The following ZCWPW2 variants were observed in gnomAD, a reference collection of about 807,000 sequenced individuals.
The protein encoded by ZCWPW2 is zinc finger CW-type PWWP domain protein 2.
In ZCWPW2, 45 loss-of-function variants were observed where a neutral mutation model predicts 46.6. The observed-to-expected ratio is 0.96, with a 90% CI of 0.76 to 1.24. The LOEUF is 1.24. ZCWPW2 is among the 50% of genes most tolerant of loss of function. The probability of loss-of-function intolerance (pLI) is 0.00; values close to 1 mark genes in which losing one functional copy is unlikely to be tolerated. For missense variants in ZCWPW2, 429 were observed against 403.9 expected, an observed-to-expected ratio of 1.06 and a Z score of -0.53; for synonymous variants, 152 against 137.1, an observed-to-expected ratio of 1.11 and a Z score of -0.76.
intron 4 of ZCWPW2, among the ~76,000 whole-genome samples, chr3:28,477,000 T>G (rs1442487637): frequency 2.0e-5 from 3 of 152,144 alleles, no homozygotes; most frequent in Non-Finnish European, 1.5e-5. Context: ...TAACCGGTCA[T>G]GGACTAGTAC....
chr3:28,492,546 A>C (rs1699845898), intron 6 of ZCWPW2, among the ~76,000 whole-genome samples: 1 of 152,154 alleles, frequency 6.6e-6, no homozygotes, highest in African/African-American at 2.4e-5. Flanking sequence ...ACAGCTCAAC[A>C]TGGTGTCTAC....
chr3:28,496,812 A>T (rs1423880615), intron 6 of ZCWPW2, among the ~76,000 whole-genome samples: 1 of 151,704 alleles, frequency 6.6e-6, no homozygotes, highest in African/African-American at 2.4e-5. Flanking sequence ...TATGGGGCAT[A>T]TTCAATACGA....
intron 3 of ZCWPW2, 41 bp downstream of exon 3, chr3:28,413,441 T>C: frequency 6.7e-7 from 1 of 1,499,152 alleles, no homozygotes; most frequent in Non-Finnish European, 9.0e-7. Flanking sequence ...AATGTAGTCT[T>C]GCTAGGTTTA....
chr3:28,452,248 A>G (rs1698253565), intron 4 of ZCWPW2, among the ~76,000 whole-genome samples: 1 of 152,136 alleles, frequency 6.6e-6, no homozygotes, highest in Admixed American at 6.5e-5. Context: ...AAGTCACTTA[A>G]CTTTTCAAAT....
At chr3:28,488,163 T>C (rs944961422) in intron 5 of ZCWPW2, among the ~76,000 whole-genome samples, 20 of 152,144 alleles carry the variant, frequency 1.3e-4, no homozygotes, top group African/African-American at 4.8e-4. Flanking sequence ...CCTGGAGTTT[T>C]TGTCTCAGGC....
chr3:28,472,209 A>C (rs558768151), intron 4 of ZCWPW2, among the ~76,000 whole-genome samples: 2 of 152,314 alleles, frequency 1.3e-5, no homozygotes, highest in Admixed American at 1.3e-4. Context: ...TCCTTCACAG[A>C]AATAGAAAAA....
chr3:28,367,377 T>C (rs1705158861), intron 1 of ZCWPW2, among the ~76,000 whole-genome samples: 1 of 152,252 alleles, frequency 6.6e-6, no homozygotes, highest in African/African-American at 2.4e-5. Context: ...AGAACATCTT[T>C]ACTTCTGCCT....
chr3:28,396,898 G>T (rs747854292), intron 2 of ZCWPW2, among the ~76,000 whole-genome samples: 1 of 152,172 alleles, frequency 6.6e-6, no homozygotes, highest in African/African-American at 2.4e-5. Context: ...GGAGGCTGAG[G>T]TGGATGGATT....
At chr3:28,396,215 C>G (rs953395797) in intron 2 of ZCWPW2, among the ~76,000 whole-genome samples, 42 of 152,076 alleles carry the variant, frequency 2.8e-4, no homozygotes, top group African/African-American at 1.0e-3. Flanking sequence ...AGAGATTATA[C>G]AGCTAGAAAG....
rs138884510 is a variant in ZCWPW2 at position 28,461,073 on chromosome 3, T to C, written c.493-17741T>C. 2.7e-3 allele frequency: 569 copies of C among 209,002 alleles called. 1 individual carries two copies. The highest frequency in any genetic ancestry group is 4.9e-3 in the Non-Finnish European group (451 of 92,922). 12.9% of individuals were successfully genotyped at this position (209,002 alleles called of 1,614,324 possible). On this transcript the variant is annotated intron_variant, in intron 4 of 9. Coordinates refer to ENST00000383768, the MANE Select transcript of ZCWPW2 (RefSeq NM_001040432.4). ...TCATACCAATGAATTTTTGAAGCTC[T>C]ATAAAGAAGATTGTAAGTATGTGTG...
At chr3:28,470,756 T>C (rs1455228766) in intron 4 of ZCWPW2, among the ~76,000 whole-genome samples, 1 of 151,864 alleles carries the variant, frequency 6.6e-6, no homozygotes, top group Non-Finnish European at 1.5e-5. Flanking sequence ...AAAAAATAAA[T>C]ATTGAAGATG....
intron 1 of ZCWPW2, among the ~76,000 whole-genome samples, chr3:28,379,814 A>C (rs1705615546): frequency 6.6e-6 from 1 of 152,178 alleles, no homozygotes; most frequent in Non-Finnish European, 1.5e-5. Flanking sequence ...AAACGTGACC[A>C]TTTGTAGCTC....
At chr3:28,370,090 AC>A (rs1278151019) in intron 1 of ZCWPW2, among the ~76,000 whole-genome samples, 1 of 151,772 alleles carries the variant, frequency 6.6e-6, no homozygotes, top group Non-Finnish European at 1.5e-5. Flanking sequence ...GAATTCCCTG[AC>A]CCCTTGAGCT....
chr3:28,450,258 A>G (rs1698172970), intron 4 of ZCWPW2, among the ~76,000 whole-genome samples: 1 of 152,078 alleles, frequency 6.6e-6, no homozygotes, highest in Non-Finnish European at 1.5e-5. Flanking sequence ...TCTTTGGAGT[A>G]CTTCTTTTGT....
chr3:28,449,899 C>T lies in ZCWPW2; in HGVS notation c.492+14630C>T, dbSNP rs143352690. On this transcript the variant is annotated intron_variant, in intron 4 of 9. Transcript: ENST00000383768. ...CATGATTTAAAAGTTTATTTTGTAG[C>T]TTGATAGATTACATGATTTAGTGTA... 2.6e-3 allele frequency among the ~76,000 whole-genome samples: 392 copies of T among 152,126 alleles called. 2 individuals carry two copies. Among genetic ancestry groups the T allele is most frequent in the African/African-American group, 8.9e-3 (370 of 41,492 alleles).
intron 6 of ZCWPW2, among the ~76,000 whole-genome samples, chr3:28,508,810 G>GA: frequency 6.6e-6 from 1 of 152,306 alleles, no homozygotes; most frequent in East Asian, 1.9e-4. Context: ...TTACAGGCGT[G>GA]AGCCACTACT....
chr3:28,504,741 T>C (rs1357400642), intron 6 of ZCWPW2, among the ~76,000 whole-genome samples: 1 of 152,186 alleles, frequency 6.6e-6, no homozygotes, highest in Non-Finnish European at 1.5e-5. Flanking sequence ...ATTTGGATTT[T>C]CAAAAAGTCT....
At chr3:28,408,217 C>G (rs1171444962) in intron 2 of ZCWPW2, among the ~76,000 whole-genome samples, 1 of 152,158 alleles carries the variant, frequency 6.6e-6, no homozygotes, top group Non-Finnish European at 1.5e-5. Flanking sequence ...AAAACCTTAT[C>G]TACCATTTAA....
intron 6 of ZCWPW2, among the ~76,000 whole-genome samples, chr3:28,504,013 T>C (rs149278826): frequency 1.3e-5 from 2 of 151,912 alleles, no homozygotes; most frequent in African/African-American, 4.8e-5. Context: ...CTGGGTAACA[T>C]CGTGAAACTT....
Sources: gnomAD v4.1 joint callset for allele counts (sites outside exome capture counted in the v4.1 genomes callset) on GRCh38, gnomAD v4.1.1 for gene constraint, MANE v1.5 for transcripts, NCBI Gene and HGNC (gene_info 2026-07-23, HGNC 2026-07-21) for gene names.